Variants in TSPEAR observed in about 807,000 individuals in gnomAD.
The protein encoded by TSPEAR is thrombospondin type laminin G domain and EAR repeats, also known as thrombospondin-type laminin G domain and EAR repeat-containing protein.
A neutral mutation model predicts 71.6 loss-of-function variants in TSPEAR; 69 were observed. The observed-to-expected ratio is 0.96, with a 90% confidence interval of 0.79 to 1.18. TSPEAR has a LOEUF of 1.18. Among genes scored for constraint, TSPEAR ranks in the 50% most tolerant of loss-of-function variants. TSPEAR has a pLI of 0.00. For missense variants in TSPEAR, 971 were observed against 894.9 expected (o/e 1.09, Z -1.09); for synonymous variants, 402 against 387.2 (o/e 1.04, Z -0.45).
chr21:44,625,899 G>C (rs587709932), intron 1 of TSPEAR, among the ~76,000 whole-genome samples: 1 of 152,334 alleles, frequency 6.6e-6, no homozygotes, highest in African/African-American at 2.4e-5. Flanking sequence ...CACACTTTGC[G>C]TAAGACTGAA....
intron 5 of TSPEAR, among the ~76,000 whole-genome samples, 166 bp downstream of exon 5, chr21:44,529,632 G>T (rs1214444558): frequency 6.6e-6 from 1 of 152,060 alleles, no homozygotes; most frequent in Non-Finnish European, 1.5e-5. Flanking sequence ...CTAGGGGTGG[G>T]CCCCGAGTAT....
intron 1 of TSPEAR, among the ~76,000 whole-genome samples, chr21:44,618,842 G>A (rs1982271800): frequency 6.6e-6 from 1 of 152,178 alleles, no homozygotes; most frequent in South Asian, 2.1e-4. Flanking sequence ...ACAAGTCACT[G>A]ACACCTAAGT....
At chr21:44,591,523 G>A (rs1167082985) in intron 1 of TSPEAR, 17 of 1,613,904 alleles carry the variant, frequency 1.1e-5, no homozygotes, top group African/African-American at 2.7e-5. Context: ...ACCACAGGAG[G>A]GGACGGGCAC....
At chr21:44,580,460 A>C in intron 1 of TSPEAR, 1 of 1,613,152 alleles carries the variant, frequency 6.2e-7, no homozygotes. Context: ...TGGGGTGCAG[A>C]CCAGGGTCAG....
At chr21:44,522,221 C>T in intron 8 of TSPEAR, 109 bp from the exon 9 acceptor site, 1 of 1,104,006 alleles carries the variant, frequency 9.1e-7, no homozygotes, top group African/African-American at 1.5e-5. Flanking sequence ...ACCGAAGACC[C>T]ACGAGGACAA....
intron 9 of TSPEAR, among the ~76,000 whole-genome samples, chr21:44,521,047 A>C (rs1162769552): frequency 2.0e-5 from 3 of 152,182 alleles, no homozygotes; most frequent in African/African-American, 7.2e-5. Flanking sequence ...GGCCCTGAGA[A>C]CATTTCTGCA....
chr21:44,640,800 G>A (rs1219847070), intron 1 of TSPEAR, among the ~76,000 whole-genome samples: 1 of 152,216 alleles, frequency 6.6e-6, no homozygotes, highest in African/African-American at 2.4e-5. Flanking sequence ...ACTTTTCCCG[G>A]AGACCCTAGC....
intron 2 of TSPEAR, chr21:44,539,183 G>A: frequency 1.4e-6 from 2 of 1,471,534 alleles, no homozygotes; most frequent in Non-Finnish European, 1.8e-6. Flanking sequence ...CTCAGCACAG[G>A]GGAGACACGG....
At chr21:44,581,648 A>T (rs1477174629) in intron 1 of TSPEAR, among the ~76,000 whole-genome samples, 6 of 150,634 alleles carry the variant, frequency 4.0e-5, no homozygotes, top group Non-Finnish European at 7.4e-5. Flanking sequence ...GAGCCTTTCA[A>T]TGTGGAGACT....
At position 44,711,427 on chromosome 21, in the gene TSPEAR, C is replaced by T. The variant is rs782634897; in HGVS notation, c.82+6G>A. 1.9e-6 allele frequency: 3 copies of T among 1,594,742 alleles called. No homozygotes were observed. The South Asian group carries it at 3.4e-5, about 18-fold the overall frequency. On this transcript the variant is annotated splice_donor_region_variant and intron_variant, in intron 1 of 11. Transcript: ENST00000323084. This position sits in a 1 kb window ranked among gnomAD's most constrained non-coding sequence, Gnocchi z 4.5. ...CCCCGCCCGAGTTCCCATGCCCCTG[C>T]CTTACCTGTGCAGGGCTCCCAACCC...
intron 1 of TSPEAR, among the ~76,000 whole-genome samples, chr21:44,633,868 T>C (rs911307575): frequency 6.6e-5 from 10 of 152,224 alleles, no homozygotes; most frequent in African/African-American, 2.4e-4. Flanking sequence ...TGCCTATTTC[T>C]TTCTTCTCTT....
At chr21:44,586,140 G>T (rs75507131) in intron 1 of TSPEAR, among the ~76,000 whole-genome samples, 1 of 152,230 alleles carries the variant, frequency 6.6e-6, no homozygotes, top group African/African-American at 2.4e-5. Context: ...GGCACCAGGC[G>T]GTTCTTCTTT....
intron 1 of TSPEAR, among the ~76,000 whole-genome samples, chr21:44,588,846 C>T (rs1979541457): frequency 1.3e-5 from 2 of 151,152 alleles, no homozygotes; most frequent in Non-Finnish European, 2.9e-5. Context: ...TAATGGCATT[C>T]ACAGAGACCT....
At chr21:44,629,296 G>A (rs192424999) in intron 1 of TSPEAR, among the ~76,000 whole-genome samples, 3 of 152,300 alleles carry the variant, frequency 2.0e-5, no homozygotes, top group East Asian at 1.9e-4. Flanking sequence ...CGGACTGGGG[G>A]CTCGAGCCAC....
chr21:44,534,008 T>A, intron 2 of TSPEAR, 85 bp from the exon 3 acceptor site: 1 of 974,694 alleles, frequency 1.0e-6, no homozygotes, highest in Non-Finnish European at 1.5e-6. Context: ...GCAGAGGTGA[T>A]GAGCACAGGT....
In TSPEAR at chr21:44,558,771, G is replaced by A. The variant is rs2053591059; in HGVS notation, c.303+9014C>T. 8.4e-6 allele frequency: 13 copies of A among 1,546,124 alleles called. No individual in the cohort carries two copies. In the South Asian group the frequency reaches 1.6e-4, roughly 19 times the overall value. On this transcript the variant is annotated intron_variant, in intron 2 of 11. Transcript: ENST00000323084. ...GACGTGAGTGAGTGAGTGTGGGAGT[G>A]AGTGAGGGAGTGAGTGAGTGATCGT...
chr21:44,674,696 C>T (rs782151379), intron 1 of TSPEAR, among the ~76,000 whole-genome samples: 1 of 150,828 alleles, frequency 6.6e-6, no homozygotes, highest in Admixed American at 6.6e-5. Flanking sequence ...TCATTGCACT[C>T]CAGCCTGGGT....
At chr21:44,588,876 T>C (rs1173677601) in intron 1 of TSPEAR, among the ~76,000 whole-genome samples, 4 of 151,714 alleles carry the variant, frequency 2.6e-5, no homozygotes, top group Non-Finnish European at 5.9e-5. Context: ...TGGAGATTAT[T>C]ATTCTAAGTG....
chr21:44,506,716 G>GCGGGCCC lies in TSPEAR; in HGVS notation c.1755-1842_1755-1836dup, dbSNP rs2052210929. Reference sequence around the variant, plus strand: ...CATGCTCTGGTCTGGAGGCACGGCCGCGGGCCCCGGGTCAGTGTGAATCCG... The same window carrying GCGGGCCC: ...CATGCTCTGGTCTGGAGGCACGGCCGCGGGCCCCGGGCCCCGGGTCAGTGTGAATCCG... On this transcript the variant is annotated intron_variant, in intron 10 of 11. Transcript: ENST00000323084. The surrounding 1 kb of genome is among the most constrained non-coding windows in gnomAD (Gnocchi z 4.2). 6.6e-6 allele frequency: 1 copy of GCGGGCCC among 152,264 alleles called. No individual in the cohort carries two copies. The highest frequency in any genetic ancestry group is 1.5e-5 in the Non-Finnish European group (1 of 68,062). 9.4% of individuals were successfully genotyped at this position (152,264 alleles called of 1,614,324 possible). A position where few individuals can be genotyped will look rare whatever the true frequency, so the allele number is the denominator to read the frequency against.
Sources: gnomAD v4.1 joint callset for allele counts (sites outside exome capture counted in the v4.1 genomes callset) on GRCh38, gnomAD v4.1.1 for gene constraint, Gnocchi (gnomAD v3.1) non-coding constraint, MANE v1.5 for transcripts, NCBI Gene and HGNC (gene_info 2026-07-23, HGNC 2026-07-21) for gene names.